Variants in SCN2A observed in about 807,000 individuals in gnomAD.
SCN2A encodes sodium voltage-gated channel alpha subunit 2, also known as sodium channel protein type 2 subunit alpha.
A neutral mutation model predicts 188.7 loss-of-function variants in SCN2A; 20 were observed. That is an observed-to-expected ratio of 0.11 (90% confidence interval 0.07 to 0.15). SCN2A has a LOEUF of 0.15. SCN2A is among the 10% of genes least tolerant of loss of function. The pLI is 1.00. For missense variants in SCN2A, 1,278 were observed against 2,445.0 expected, an observed-to-expected ratio of 0.52 and a Z score of 10.07; for synonymous variants, 804 against 833.1, an observed-to-expected ratio of 0.97 and a Z score of 0.60.
chr2:165,309,328 TTG>T (rs750284423), intron 5 of SCN2A, 22 bp from the exon 6 acceptor site: 1 of 1,613,648 alleles, frequency 6.2e-7, no homozygotes, highest in Non-Finnish European at 8.5e-7. Flanking sequence ...GTCATTGTGT[TTG>T]TGTGTGAACC....
chr2:165,295,313 A>G (rs932389528), intron 1 of SCN2A, among the ~76,000 whole-genome samples: 3 of 152,242 alleles, frequency 2.0e-5, no homozygotes, highest in African/African-American at 4.8e-5. Flanking sequence ...GGGCACGTGC[A>G]AAGACTTGGA....
intron 1 of SCN2A, among the ~76,000 whole-genome samples, chr2:165,242,737 A>G (rs892882310): frequency 1.3e-5 from 2 of 152,224 alleles, no homozygotes; most frequent in African/African-American, 4.8e-5. Context: ...TGAAGTCAGT[A>G]GAGAGAAAAT....
chr2:165,252,694 G>A (rs527494299), intron 1 of SCN2A, among the ~76,000 whole-genome samples: 4 of 152,150 alleles, frequency 2.6e-5, no homozygotes, highest in East Asian at 3.9e-4. Context: ...GGTGGGGAAA[G>A]GGCAAGGATC....
chr2:165,268,745 G>A (rs1040301345), intron 1 of SCN2A: 1 of 151,138 alleles, frequency 6.6e-6, no homozygotes, highest in African/African-American at 2.4e-5. Flanking sequence ...GATGAGGAAC[G>A]GATAAAGAAT....
chr2:165,359,410 T>C (rs1161883747), intron 17 of SCN2A, among the ~76,000 whole-genome samples: 4 of 152,110 alleles, frequency 2.6e-5, no homozygotes, highest in Admixed American at 1.3e-4. Context: ...TTTAGAAAGA[T>C]ACTTGAGGCA....
chr2:165,243,265 T>A (rs1693697578), intron 1 of SCN2A, among the ~76,000 whole-genome samples: 2 of 152,162 alleles, frequency 1.3e-5, no homozygotes, highest in Admixed American at 6.6e-5. Flanking sequence ...CTTTTTTGAA[T>A]CCTTCAGTTT....
chr2:165,251,463 G>T (rs1694090014), intron 1 of SCN2A, among the ~76,000 whole-genome samples: 1 of 152,080 alleles, frequency 6.6e-6, no homozygotes, highest in Non-Finnish European at 1.5e-5. Context: ...CATGCAAAGT[G>T]CTGCGTATGT....
chr2:165,242,648 T>C (rs1230002110), intron 1 of SCN2A, among the ~76,000 whole-genome samples: 1 of 152,122 alleles, frequency 6.6e-6, no homozygotes, highest in African/African-American at 2.4e-5. Flanking sequence ...ATTTTATACC[T>C]GGAGAAAGAA....
chr2:165,380,815 C>CA, intron 24 of SCN2A, 86 bp downstream of exon 24: 5 of 1,065,304 alleles, frequency 4.7e-6, no homozygotes, highest in Non-Finnish European at 6.9e-6. Context: ...ATGCAATCAC[C>CA]AAAAAAAGAA....
chr2:165,308,071 C>A, intron 4 of SCN2A, 134 bp downstream of exon 4: 1 of 745,378 alleles, frequency 1.3e-6, no homozygotes, highest in South Asian at 1.4e-5. Flanking sequence ...AAATTCATTT[C>A]TGTCACTAAA....
rs1700084969 is a variant in SCN2A, at chr2:165,354,558, A to T, written c.3286A>T (p.Ile1096Leu). The change falls in exon 17 of 27, where the codon ATA (isoleucine) becomes TTA (leucine). Residue 1096 changes from isoleucine to leucine, a missense_variant. By Grantham distance (5) the Ile-to-Leu change is conservative. This residue lies in a region of SCN2A where 228 missense variants were observed against 297.3 expected (regional missense o/e 0.77). Transcript: ENST00000375437. ...GGATGAAAGTGATTACATGTCATTTATAAACAACCCTAGCCTCACTGTGAC... is the reference window on the plus strand; with the variant it reads ...GGATGAAAGTGATTACATGTCATTTTTAAACAACCCTAGCCTCACTGTGAC... ...VVDESDYMSF[I>L]NNPSLTVTVP... 6.2e-7 allele frequency: 1 copy of T among 1,614,144 alleles called. No homozygotes were observed.
rs1304724113 is a variant in SCN2A, at chr2:165,265,477, A to ATC, written c.-52+25838_-52+25839insCT. ...ATGTGTTTACTCTGTTGATCTATAT[A>ATC]TATATATATATATATATATATATAT... On this transcript the variant is annotated intron_variant, in intron 1 of 26. Coordinates refer to ENST00000375437, the MANE Select transcript of SCN2A (RefSeq NM_001040142.2). Among the ~76,000 whole-genome samples, 37 of 82,234 alleles carry ATC rather than the reference A, an allele frequency of 4.5e-4. No individual in the cohort carries two copies. The East Asian group carries it at 5.7e-3, about 13-fold the overall frequency. 53.9% of individuals were successfully genotyped at this position (82,234 alleles called of 152,430 possible). A position where few individuals can be genotyped will look rare whatever the true frequency, so the allele number is the denominator to read the frequency against.
rs765804959 is a variant in SCN2A, at chr2:165,256,000, C to CTTTTTTTTT, written c.-52+16372_-52+16380dup. Among the ~76,000 whole-genome samples the CTTTTTTTTT allele has an allele frequency of 3.6e-4, 32 of 88,442 alleles. 2 individuals are homozygous for CTTTTTTTTT. Among genetic ancestry groups the CTTTTTTTTT allele is most frequent in the East Asian group, 2.1e-3 (6 of 2,904 alleles). 58.0% of individuals were successfully genotyped at this position (88,442 alleles called of 152,430 possible). On this transcript the variant is annotated intron_variant, in intron 1 of 26. Transcript: ENST00000375437. The stretch of plus-strand genomic sequence containing the variant: ...AAATGTTTTCATTTGGGGCTCTTTT[C>CTTTTTTTTT]TTTTTTTTTTTTTTTTTTTTGGTGA...
intron 23 of SCN2A, among the ~76,000 whole-genome samples, 193 bp downstream of exon 23, chr2:165,377,843 G>A (rs1408913563): frequency 1.3e-5 from 2 of 151,682 alleles, no homozygotes; most frequent in Admixed American, 1.3e-4. Flanking sequence ...TAATCACTCT[G>A]TATCTTTTAA....
intron 13 of SCN2A, among the ~76,000 whole-genome samples, chr2:165,329,107 T>G (rs1391743077): frequency 6.6e-6 from 1 of 151,832 alleles, no homozygotes; most frequent in Non-Finnish European, 1.5e-5. Context: ...TCACCTTTCC[T>G]TTTTATGAAC....
At chr2:165,245,918 C>G (rs1323668965) in intron 1 of SCN2A, among the ~76,000 whole-genome samples, 2 of 152,178 alleles carry the variant, frequency 1.3e-5, no homozygotes, top group Non-Finnish European at 2.9e-5. Context: ...CTAAGCTGCT[C>G]CAATTACTGG....
chr2:165,350,464 CTTTTTTTTT>C (rs71028479), intron 16 of SCN2A, among the ~76,000 whole-genome samples: 1 of 73,848 alleles, frequency 1.4e-5, no homozygotes, highest in Non-Finnish European at 2.5e-5. Context: ...TGTTTTCTTT[CTTTTTTTTT>C]TTTTTTTTTT....
At chr2:165,269,950 C>T (rs1002403064) in intron 1 of SCN2A, 6 of 151,766 alleles carry the variant, frequency 4.0e-5, no homozygotes, top group Non-Finnish European at 5.9e-5. Flanking sequence ...CCCAATTCTT[C>T]TCTTCTGTTC....
intron 17 of SCN2A, among the ~76,000 whole-genome samples, chr2:165,363,432 C>T (rs1483621059): frequency 6.6e-6 from 1 of 152,098 alleles, no homozygotes; most frequent in African/African-American, 2.4e-5. Flanking sequence ...GACTCAGCTT[C>T]AGTTTTTCTG....
Sources: gnomAD v4.1 joint callset for allele counts (sites outside exome capture counted in the v4.1 genomes callset) on GRCh38, gnomAD v4.1.1 for gene constraint, gnomAD v4.1.1 regional missense constraint, MANE v1.5 for transcripts, NCBI Gene and HGNC (gene_info 2026-07-23, HGNC 2026-07-21) for gene names.